Variants in THAP6 observed in about 807,000 individuals in gnomAD.
The protein encoded by THAP6 is THAP domain containing 6.
A neutral mutation model predicts 20.0 loss-of-function variants in THAP6; 13 were observed. That is an observed-to-expected ratio of 0.65 (90% CI 0.42 to 1.03). The LOEUF (loss-of-function observed/expected upper bound fraction) is 1.03, where lower values mean the gene tolerates loss of function less well. Among genes scored for constraint, THAP6 ranks in the 50% least tolerant of loss-of-function variants. The pLI is 0.00. For missense variants in THAP6, 262 were observed against 261.6 expected (o/e 1.00, Z -0.01); for synonymous variants, 93 against 92.2 (o/e 1.01, Z -0.05).
chr4:75,525,055 A>G (rs1473023077), intron 4 of THAP6, among the ~76,000 whole-genome samples: 3 of 152,128 alleles, frequency 2.0e-5, no homozygotes, highest in Non-Finnish European at 4.4e-5. Context: ...GTGCTGGACA[A>G]TAATTTTTGT....
At chr4:75,530,094 G>C, downstream of THAP6, 3 of 984,640 alleles carry the variant, frequency 3.0e-6, no homozygotes, top group Non-Finnish European at 3.6e-6. Context: ...GAGTACGTAC[G>C]TAGAGGTTTT....
intron 3 of THAP6, chr4:75,542,551 A>C (rs894831782): frequency 1.5e-6 from 1 of 674,168 alleles, no homozygotes; most frequent in Non-Finnish European, 2.7e-6. Flanking sequence ...CAACCCTATA[A>C]GGTAGGTACT....
At chr4:75,541,477 AAAAG>A (rs971999134) in intron 2 of THAP6, among the ~76,000 whole-genome samples, 12 of 152,070 alleles carry the variant, frequency 7.9e-5, no homozygotes, top group African/African-American at 2.7e-4. Flanking sequence ...AGTATATAGA[AAAAG>A]AAAGAAAAGA....
At position 75,527,272 on chromosome 4, in the gene THAP6, C is replaced by A. The variant is rs1463145546; in HGVS notation, c.*58C>A. 1.6e-5 allele frequency: 25 copies of A among 1,564,852 alleles called. No individual in the cohort carries two copies. The highest frequency in any genetic ancestry group is 2.1e-5 in the Non-Finnish European group (24 of 1,155,888). ...TCATTGGTACAAATTTTTATAAAAT[C>A]TCATTTACCATCACTAAATAATATC... On this transcript the variant is annotated 3_prime_UTR_variant, in exon 5 of 5. Coordinates refer to ENST00000311638, the MANE Select transcript of THAP6 (RefSeq NM_144721.6).
chr4:75,533,482 C>G (rs1439121013), downstream of THAP6, among the ~76,000 whole-genome samples: 2 of 152,200 alleles, frequency 1.3e-5, no homozygotes, highest in Admixed American at 6.5e-5. Flanking sequence ...TTACCCAGTT[C>G]CAAGCTTGCT....
rs1560537077 is a variant in THAP6, at chr4:75,514,494, C to A, written c.-47C>A. 1.9e-6 allele frequency: 1 copy of A among 536,464 alleles called. No homozygotes were observed. The highest frequency in any genetic ancestry group is 3.3e-6 in the Non-Finnish European group (1 of 300,938). The allele number at this position is 536,464 out of a possible 1,614,324, so 33.2% of individuals were successfully genotyped here. A position where few individuals can be genotyped will look rare whatever the true frequency, so the allele number is the denominator to read the frequency against. Reference sequence around the variant, plus strand: ...AGGCAGACGCAGTCTCCGTCGTTGACGTTAGTCGCAGTCTTCGCTGCTAAC... The same window carrying A: ...AGGCAGACGCAGTCTCCGTCGTTGAAGTTAGTCGCAGTCTTCGCTGCTAAC... On this transcript the variant is annotated 5_prime_UTR_variant, in exon 1 of 5. Transcript: ENST00000311638.
chr4:75,525,479 T>C (rs12648028), intron 4 of THAP6, among the ~76,000 whole-genome samples: 38,116 of 152,052 alleles, frequency 0.25, 5,224 homozygotes, highest in African/African-American at 0.35. Flanking sequence ...ATTAGAGTCT[T>C]TTTTATATAT....
intron 1 of THAP6, among the ~76,000 whole-genome samples, 170 bp from the exon 2 acceptor site, chr4:75,515,262 TA>T (rs905878310): frequency 3.6e-4 from 55 of 152,296 alleles, no homozygotes; most frequent in African/African-American, 1.2e-3. Flanking sequence ...TTCTCCTTAT[TA>T]AAGAGTCAAG....
In THAP6 at chr4:75,527,527, T is replaced by C; in HGVS notation, c.*313T>C. The C allele has an allele frequency of 1.8e-6, 2 of 1,122,070 alleles. No individual in the cohort carries two copies. The highest frequency in any genetic ancestry group is 2.2e-6 in the Non-Finnish European group (2 of 914,724). The allele number at this position is 1,122,070 out of a possible 1,614,324, so 69.5% of individuals were successfully genotyped here. A position where few individuals can be genotyped will look rare whatever the true frequency, so the allele number is the denominator to read the frequency against. ...ATGTCAAATTAGTCACATTAAGCTA[T>C]AGTAGAAGGAATTGGACACTTCTCC... On this transcript the variant is annotated 3_prime_UTR_variant, in exon 5 of 5. Transcript: ENST00000311638.
At position 75,529,123 on chromosome 4, in the gene THAP6, G is replaced by A; in HGVS notation, c.*1909G>A. 1 of 977,736 alleles carries A rather than the reference G, an allele frequency of 1.0e-6. No individual in the cohort carries two copies. The highest frequency in any genetic ancestry group is 1.2e-6 in the Non-Finnish European group (1 of 822,986). 60.6% of individuals were successfully genotyped at this position (977,736 alleles called of 1,614,324 possible). On this transcript the variant is annotated 3_prime_UTR_variant, in exon 5 of 5. Transcript: ENST00000311638. Reference sequence around the variant, plus strand: ...TTACTTAATTTTGAGTTCATAAATGGCCACCCTAATGGAAAGTTTGGGTAT... The same window carrying A: ...TTACTTAATTTTGAGTTCATAAATGACCACCCTAATGGAAAGTTTGGGTAT...
chr4:75,525,012 C>T (rs1322345768), intron 4 of THAP6, among the ~76,000 whole-genome samples: 1 of 152,190 alleles, frequency 6.6e-6, no homozygotes, highest in African/African-American at 2.4e-5. Context: ...CCTGCCTCGG[C>T]CTCCCTAAGT....
chr4:75,535,296 T>C (rs1282026666), intron 2 of THAP6, among the ~76,000 whole-genome samples: 1 of 152,200 alleles, frequency 6.6e-6, no homozygotes, highest in East Asian at 1.9e-4. Context: ...AGCTATGCCT[T>C]TATACACTTG....
At chr4:75,525,926 A>G (rs1016963040) in intron 4 of THAP6, among the ~76,000 whole-genome samples, 5 of 152,172 alleles carry the variant, frequency 3.3e-5, no homozygotes. Flanking sequence ...CCTCATGTGC[A>G]TGTGCTGATC....
chr4:75,523,384 G>T (rs995488298), intron 4 of THAP6, among the ~76,000 whole-genome samples: 1 of 152,100 alleles, frequency 6.6e-6, no homozygotes, highest in South Asian at 2.1e-4. Context: ...CAAACATTTT[G>T]TCCCATTCTG....
intron 2 of THAP6, among the ~76,000 whole-genome samples, chr4:75,540,555 T>C (rs1328917418): frequency 2.0e-5 from 3 of 152,188 alleles, no homozygotes; most frequent in Admixed American, 6.5e-5. Flanking sequence ...GCTTGTGCAG[T>C]TGAAAGGTAA....
At chr4:75,540,430 C>T (rs1431140946) in intron 2 of THAP6, among the ~76,000 whole-genome samples, 1 of 152,200 alleles carries the variant, frequency 6.6e-6, no homozygotes, top group Non-Finnish European at 1.5e-5. Flanking sequence ...AAGTCACTTA[C>T]TAAACAGATA....
chr4:75,524,576 G>C (rs1016883884), intron 4 of THAP6, among the ~76,000 whole-genome samples: 2 of 152,018 alleles, frequency 1.3e-5, no homozygotes, highest in African/African-American at 2.4e-5. Flanking sequence ...TCAAATTCTA[G>C]GTTAACAGTT....
rs771250612 is a variant in THAP6, at chr4:75,521,784, G to A, written c.337G>A (p.Val113Ile). Residue 113 changes from valine to isoleucine, a missense_variant, in exon 4 of 5, where the codon GTT (valine) becomes ATT (isoleucine). Val to Ile is a conservative substitution (Grantham distance 29). Coordinates refer to ENST00000311638, the MANE Select transcript of THAP6 (RefSeq NM_144721.6). ...HCRKNFTLKT[V>I]PATNYNHHLV... Reference sequence around the variant, plus strand: ...TAGAAAAAACTTCACCCTCAAAACCGTTCCAGCCACTAACTACAATCACCA... The same window carrying A: ...TAGAAAAAACTTCACCCTCAAAACCATTCCAGCCACTAACTACAATCACCA... The A allele has an allele frequency of 5.8e-5, 93 of 1,613,056 alleles. 2 individuals are homozygous for A. The highest frequency in any genetic ancestry group is 4.8e-4 in the South Asian group (44 of 90,998).
chr4:75,529,372 T>A lies in THAP6; in HGVS notation c.*2158T>A. 1 of 985,418 alleles carries A rather than the reference T, an allele frequency of 1.0e-6. No homozygotes were observed. Among genetic ancestry groups the A allele is most frequent in the Non-Finnish European group, 1.2e-6 (1 of 829,936 alleles). 61.0% of individuals were successfully genotyped at this position (985,418 alleles called of 1,614,324 possible). A position where few individuals can be genotyped will look rare whatever the true frequency, so the allele number is the denominator to read the frequency against. The stretch of plus-strand genomic sequence containing the variant: ...CCACTATCAAAATTGCCACAGTCAC[T>A]TTTACTACTTGTGTTCATAGTAGAC... On this transcript the variant is annotated 3_prime_UTR_variant, in exon 5 of 5. Transcript: ENST00000311638.
Sources: gnomAD v4.1 joint callset for allele counts (sites outside exome capture counted in the v4.1 genomes callset) on GRCh38, gnomAD v4.1.1 for gene constraint, MANE v1.5 for transcripts, NCBI Gene and HGNC (gene_info 2026-07-23, HGNC 2026-07-21) for gene names.